SYDE2: variants seen among roughly 807,000 people sequenced by gnomAD.
SYDE2 encodes rho GTPase-activating protein SYDE2.
In SYDE2, 76 loss-of-function variants were observed where a neutral mutation model predicts 91.5. That is an observed-to-expected ratio of 0.83 (90% confidence interval 0.69 to 1.01). The LOEUF is 1.01. Among genes scored for constraint, SYDE2 ranks in the 50% least tolerant of loss-of-function variants. The pLI, the probability that SYDE2 is intolerant of heterozygous loss-of-function variation, is 0.00. For missense variants in SYDE2, 1,364 were observed against 1,367.7 expected, an observed-to-expected ratio of 1.00 and a Z score of 0.04; for synonymous variants, 513 against 506.4, an observed-to-expected ratio of 1.01 and a Z score of -0.18.
At position 85,190,465 on chromosome 1, in the gene SYDE2, C is replaced by T. The variant is rs374349037; in HGVS notation, c.1033G>A (p.Ala345Thr). Reference protein sequence around the residue: ...KEYCTYVVCNATNSSLSKNCA... With the variant: ...KEYCTYVVCNTTNSSLSKNCA... The stretch of plus-strand genomic sequence containing the variant: ...TTTTTCGATAATGAAGAGTTTGTAG[C>T]GTTACATACCACATATGTACAGTAC... Residue 345 changes from alanine to threonine, a missense_variant, in exon 2 of 7, where the codon GCT (alanine) becomes ACT (threonine). By Grantham distance (58) the Ala-to-Thr change is moderately conservative (BLOSUM62 0). Transcript: ENST00000341460. 1.2e-5 allele frequency: 19 copies of T among 1,613,896 alleles called. No homozygotes were observed. The African/African-American group carries it at 1.5e-4, about 12-fold the overall frequency.
chr1:85,200,879 G>T lies in SYDE2; in HGVS notation c.118C>A (p.Arg40Ser). The change falls in exon 1 of 7, where the codon CGC becomes AGC. Residue 40 changes from arginine (R) to serine (S), a missense_variant. Physicochemically the swap from Arg to Ser is moderately radical, Grantham distance 110 (BLOSUM62 -1). Coordinates refer to ENST00000341460, the MANE Select transcript of SYDE2 (RefSeq NM_032184.2). ...TCCCCGTCCCGGGGGCAGGCTCGGC[G>T]GTACGCGGCGCCGCGGGAAGGCGGC... is the stretch of plus-strand genomic sequence containing the variant. ...GQPPSRGAAY[R>S]RACPRDGERG... 1 of 1,342,448 alleles carries T rather than the reference G, an allele frequency of 7.4e-7. No individual in the cohort carries two copies. The highest frequency in any genetic ancestry group is 9.5e-7 in the Non-Finnish European group (1 of 1,056,784). The allele number at this position is 1,342,448 out of a possible 1,614,324, so 83.2% of individuals were successfully genotyped here. A position where few individuals can be genotyped will look rare whatever the true frequency, so the allele number is the denominator to read the frequency against.
At chr1:85,187,156 A>G (rs1658175303) in intron 2 of SYDE2, among the ~76,000 whole-genome samples, 1 of 152,200 alleles carries the variant, frequency 6.6e-6, no homozygotes, top group Middle Eastern at 3.2e-3. Context: ...AATGAACTCA[A>G]ACAAATTTAC....
intron 1 of SYDE2, among the ~76,000 whole-genome samples, chr1:85,193,252 T>C (rs1244987726): frequency 2.0e-5 from 3 of 152,238 alleles, no homozygotes; most frequent in Non-Finnish European, 4.4e-5. Flanking sequence ...AGTCTAAATC[T>C]ATTTCACATT....
chr1:85,165,373 C>T (rs183993619), intron 5 of SYDE2, among the ~76,000 whole-genome samples: 1 of 152,296 alleles, frequency 6.6e-6, no homozygotes, highest in African/African-American at 2.4e-5. Flanking sequence ...TCTCTTCTAA[C>T]ATGGCAACAG....
At position 85,190,552 on chromosome 1, in the gene SYDE2, T is replaced by A. The variant is rs374576571; in HGVS notation, c.946A>T (p.Ile316Phe). ...TGTTTAGGTAGAGACACAGGTGAGA[T>A]GGATAAATGACTTCTATCTTGGCAT... is the stretch of plus-strand genomic sequence containing the variant. ...KKCQDRSHLS[I>F]SPVSLPKHQL... The change falls in exon 2 of 7, where the codon ATC (isoleucine) becomes TTC (phenylalanine). Residue 316 changes from isoleucine (I) to phenylalanine (F), a missense_variant. Transcript: ENST00000341460. 5 of 1,613,986 alleles carry A rather than the reference T, an allele frequency of 3.1e-6. No homozygotes were observed. Among genetic ancestry groups the A allele is most frequent in the Non-Finnish European group, 3.4e-6 (4 of 1,179,872 alleles).
chr1:85,183,524 A>G (rs2100674779), intron 2 of SYDE2, among the ~76,000 whole-genome samples: 1 of 152,110 alleles, frequency 6.6e-6, no homozygotes, highest in South Asian at 2.1e-4. Flanking sequence ...GTGTTTATTC[A>G]TTTTAAAAAA....
At chr1:85,172,135 C>T (rs780624555) in intron 4 of SYDE2, among the ~76,000 whole-genome samples, 10 of 152,184 alleles carry the variant, frequency 6.6e-5, no homozygotes, top group Non-Finnish European at 1.5e-4. Context: ...TAAGGAAGAT[C>T]ATTTCTCTAT....
chr1:85,183,465 C>G (rs1040400675), intron 2 of SYDE2, among the ~76,000 whole-genome samples: 1 of 152,024 alleles, frequency 6.6e-6, no homozygotes, highest in Non-Finnish European at 1.5e-5. Context: ...AACCTCACAT[C>G]AAAAGCTAAT....
chr1:85,200,725 C>A lies in SYDE2; in HGVS notation c.272G>T (p.Arg91Leu), dbSNP rs1301011781. The A allele has an allele frequency of 1.3e-6, 2 of 1,534,954 alleles. No individual in the cohort carries two copies. The highest frequency in any genetic ancestry group is 2.0e-5 in the Admixed American group (1 of 51,082). Reference protein sequence around the residue: ...PSCSRSLESLRVGAKPPPFQR... With the variant: ...PSCSRSLESLLVGAKPPPFQR... ...GAAGGGAGGCGGCTTGGCACCCACC[C>A]GGAGGCTCTCGAGGCTTCTGCTGCA... Residue 91 changes from arginine (R) to leucine (L), a missense_variant, in exon 1 of 7, where the codon CGG becomes CTG. Arg to Leu is a moderately radical substitution (Grantham distance 102). Transcript: ENST00000341460.
At chr1:85,195,880 A>G (rs1658567742) in intron 1 of SYDE2, among the ~76,000 whole-genome samples, 1 of 152,142 alleles carries the variant, frequency 6.6e-6, no homozygotes, top group African/African-American at 2.4e-5. Flanking sequence ...CACAGCACCA[A>G]ATGGATTATC....
chr1:85,189,763 A>T (rs1658286483), intron 2 of SYDE2, among the ~76,000 whole-genome samples: 2 of 152,186 alleles, frequency 1.3e-5, no homozygotes, highest in African/African-American at 4.8e-5. Context: ...CTGAGCCTGG[A>T]GGTCAAGGCT....
intron 4 of SYDE2, 42 bp from the exon 5 acceptor site, chr1:85,169,267 G>C (rs368478852): frequency 6.7e-7 from 1 of 1,491,088 alleles, no homozygotes; most frequent in Non-Finnish European, 9.1e-7. Context: ...TTGGACTGCA[G>C]AGTGAAATAA....
intron 1 of SYDE2, among the ~76,000 whole-genome samples, chr1:85,197,225 A>G (rs898444647): frequency 3.3e-5 from 5 of 152,210 alleles, no homozygotes; most frequent in Non-Finnish European, 7.4e-5. Context: ...ATCTGCGAAC[A>G]CTACATACTT....
At chr1:85,191,757 C>CAAA (rs534474157) in intron 1 of SYDE2, among the ~76,000 whole-genome samples, 2 of 93,460 alleles carry the variant, frequency 2.1e-5, no homozygotes, top group Admixed American at 1.1e-4. Context: ...GATTCCGTCT[C>CAAA]AAAAAAAAAA....
chr1:85,160,449 C>T (rs1657019570), intron 6 of SYDE2: 1 of 932,042 alleles, frequency 1.1e-6, no homozygotes, highest in African/African-American at 1.8e-5. Flanking sequence ...TTATGTATCA[C>T]TATAGATAGC....
intron 3 of SYDE2, among the ~76,000 whole-genome samples, chr1:85,180,715 C>T (rs966202452): frequency 6.6e-6 from 1 of 151,166 alleles, no homozygotes; most frequent in African/African-American, 2.4e-5. Flanking sequence ...TACAGTTCTA[C>T]ATAAAAATGA....
chr1:85,160,846 C>T (rs910157703), intron 6 of SYDE2: 19 of 985,224 alleles, frequency 1.9e-5, no homozygotes, highest in Non-Finnish European at 1.9e-5. Context: ...CTGCAAAATC[C>T]AGATTCATTT....
chr1:85,156,170 G>T (rs1053146902), downstream of SYDE2, among the ~76,000 whole-genome samples: 4 of 152,104 alleles, frequency 2.6e-5, no homozygotes, highest in East Asian at 5.8e-4. Flanking sequence ...AGAAACACTT[G>T]TACTTTTATT....
rs55977750 is a variant in SYDE2 at position 85,163,445 on chromosome 1, CTATATATATATATATATATA to C, written c.3085+1061_3085+1080del. Among the ~76,000 whole-genome samples, 151 of 87,632 alleles carry C rather than the reference CTATATATATATATATATATA, an allele frequency of 1.7e-3. 3 individuals carry two copies. The highest frequency in any genetic ancestry group is 4.4e-3 in the African/African-American group (128 of 29,050). The allele number at this position is 87,632 out of a possible 152,430, so 57.5% of individuals were successfully genotyped here. A position where few individuals can be genotyped will look rare whatever the true frequency, so the allele number is the denominator to read the frequency against. On this transcript the variant is annotated intron_variant, in intron 6 of 6. Coordinates refer to ENST00000341460, the MANE Select transcript of SYDE2 (RefSeq NM_032184.2). Reference sequence around the variant, plus strand: ...ATCAAGCATTCTCTTGTACTTTAATCTATATATATATATATATATATATATATATATATATAACAAAAGAG... The same window carrying C: ...ATCAAGCATTCTCTTGTACTTTAATCTATATATATATATATAACAAAAGAG...
Sources: allele counts gnomAD v4.1 joint callset (sites outside exome capture counted in the v4.1 genomes callset), GRCh38; gene constraint gnomAD v4.1.1; transcripts MANE v1.5; gene names NCBI Gene and HGNC (gene_info 2026-07-23, HGNC 2026-07-21).